HECW1: variants seen among roughly 807,000 people sequenced by gnomAD.
HECW1 encodes HECT, C2 and WW domain containing E3 ubiquitin protein ligase 1.
HECW1 carries 61 observed loss-of-function variants against 182.3 expected under a neutral mutation model. The ratio of observed to expected loss-of-function variants is 0.33; its 90% confidence interval spans 0.27 to 0.41. The LOEUF (loss-of-function observed/expected upper bound fraction) is 0.41. HECW1 is among the 10% of genes least tolerant of loss of function. The pLI is 1.00. For synonymous variants in HECW1, 859 were observed against 832.6 expected, an observed-to-expected ratio of 1.03 and a Z score of -0.55; for missense variants, 1,739 against 2,108.9, an observed-to-expected ratio of 0.82 and a Z score of 3.44.
At chr7:43,423,672 G>T (rs1329685204) in intron 8 of HECW1, among the ~76,000 whole-genome samples, 5 of 152,172 alleles carry the variant, frequency 3.3e-5, no homozygotes, top group African/African-American at 1.2e-4. Context: ...CATGGTGGTG[G>T]GTGGTGAGCT....
chr7:43,546,257 C>T (rs1257034045), intron 26 of HECW1, among the ~76,000 whole-genome samples: 4 of 124,454 alleles, frequency 3.2e-5, no homozygotes, highest in Admixed American at 9.7e-5. Flanking sequence ...TATCCACAGT[C>T]TCTTTCATGA....
intron 24 of HECW1, among the ~76,000 whole-genome samples, chr7:43,514,791 C>T (rs962617873): frequency 6.6e-6 from 1 of 152,090 alleles, no homozygotes; most frequent in Admixed American, 6.5e-5. Context: ...TGTCTAACAA[C>T]ATTATAACCC....
intron 3 of HECW1, among the ~76,000 whole-genome samples, chr7:43,270,237 G>C (rs973926544): frequency 2.6e-5 from 4 of 152,166 alleles, no homozygotes; most frequent in African/African-American, 9.7e-5. Context: ...CAGCTTGGCT[G>C]GCAGGTTTAG....
At chr7:43,559,827 T>G (rs1413423703) in intron 29 of HECW1, among the ~76,000 whole-genome samples, 9 of 152,172 alleles carry the variant, frequency 5.9e-5, no homozygotes, top group Non-Finnish European at 1.5e-5. Context: ...TTGATTGTGT[T>G]CGTTCATTCT....
intron 2 of HECW1, among the ~76,000 whole-genome samples, chr7:43,229,591 TAC>T (rs1319125433): frequency 9.9e-5 from 15 of 151,798 alleles, no homozygotes; most frequent in African/African-American, 3.6e-4. Flanking sequence ...AGTTTGCCTG[TAC>T]AACAAATCTG....
At chr7:43,370,921 T>A (rs538492868) in intron 6 of HECW1, among the ~76,000 whole-genome samples, 87 of 150,430 alleles carry the variant, frequency 5.8e-4, no homozygotes, top group African/African-American at 2.0e-3. Flanking sequence ...GGAGTCTTGC[T>A]CTGTCACCCA....
chr7:43,507,292 A>T, intron 22 of HECW1, 35 bp downstream of exon 22: 1 of 1,603,356 alleles, frequency 6.2e-7, no homozygotes, highest in Non-Finnish European at 8.5e-7. Flanking sequence ...GAATTCAGAC[A>T]GTAGATTTTT....
At chr7:43,276,393 A>C (rs1803147307) in intron 3 of HECW1, among the ~76,000 whole-genome samples, 1 of 152,192 alleles carries the variant, frequency 6.6e-6, no homozygotes, top group African/African-American at 2.4e-5. Context: ...ATTGATTTTA[A>C]AAGGATAAGT....
intron 8 of HECW1, among the ~76,000 whole-genome samples, chr7:43,424,401 C>T (rs2076289767): frequency 6.6e-6 from 1 of 152,172 alleles, no homozygotes; most frequent in African/African-American, 2.4e-5. Flanking sequence ...GGTAGGATCG[C>T]TTGAGCCCAG....
At chr7:43,470,381 T>C (rs2077970927) in intron 16 of HECW1, among the ~76,000 whole-genome samples, 1 of 152,182 alleles carries the variant, frequency 6.6e-6, no homozygotes, top group Non-Finnish European at 1.5e-5. Context: ...CACACACCAA[T>C]GTGAACAGTT....
Position 43,561,947 on chromosome 7 carries a change from CA to C in HECW1, c.*22del, listed in dbSNP as rs1323257309. On this transcript the variant is annotated 3_prime_UTR_variant, in exon 30 of 30. Coordinates refer to ENST00000395891, the MANE Select transcript of HECW1 (RefSeq NM_015052.5). The stretch of plus-strand genomic sequence containing the variant: ...AGTGAGGACATGGAACCTCGCCTGA[CA>C]TTTTCCTGGCCAGTGACATCACCCT... The C allele has an allele frequency of 6.3e-6, 9 of 1,421,940 alleles. No homozygotes were observed. The highest frequency in any genetic ancestry group is 9.0e-6 in the Non-Finnish European group (9 of 1,004,980). 88.1% of individuals were successfully genotyped at this position (1,421,940 alleles called of 1,614,324 possible).
chr7:43,406,345 T>C (rs1221179919), intron 7 of HECW1, among the ~76,000 whole-genome samples: 11 of 152,238 alleles, frequency 7.2e-5, no homozygotes, highest in Admixed American at 7.2e-4. Context: ...ATTTTGAATA[T>C]ACAGCCCTTT....
At chr7:43,428,481 G>A (rs1201885392) in intron 8 of HECW1, among the ~76,000 whole-genome samples, 34 of 152,186 alleles carry the variant, frequency 2.2e-4, no homozygotes. Flanking sequence ...TGAAGACAGG[G>A]AGACCAGTTA....
intron 3 of HECW1, among the ~76,000 whole-genome samples, chr7:43,284,261 T>C (rs771567906): frequency 1.5e-4 from 23 of 152,200 alleles, no homozygotes; most frequent in Non-Finnish European, 2.6e-4. Context: ...TTCTTTATCA[T>C]GTACATGTTG....
chr7:43,478,001 G>A lies in HECW1; in HGVS notation c.3100-1609G>A, dbSNP rs192274008. 2.5e-3 allele frequency among the ~76,000 whole-genome samples: 380 copies of A among 151,444 alleles called. 2 individuals carry two copies. Among genetic ancestry groups the A allele is most frequent in the African/African-American group, 8.7e-3 (356 of 40,892 alleles). ...TAAAAAGTTGTCTTATGGTACAAAG[G>A]GTTTTGTTGAAAAAAAAGGTAATAA... is the stretch of plus-strand genomic sequence containing the variant. On this transcript the variant is annotated intron_variant, in intron 16 of 29. Coordinates refer to ENST00000395891, the MANE Select transcript of HECW1 (RefSeq NM_015052.5).
intron 2 of HECW1, among the ~76,000 whole-genome samples, chr7:43,193,833 T>G (rs2152684882): frequency 6.6e-6 from 1 of 152,310 alleles, no homozygotes; most frequent in East Asian, 1.9e-4. Flanking sequence ...GCCTTGCTTG[T>G]GTCTGCCTAA....
At chr7:43,280,630 A>AT (rs1562777250) in intron 3 of HECW1, among the ~76,000 whole-genome samples, 3 of 152,226 alleles carry the variant, frequency 2.0e-5, no homozygotes, top group Non-Finnish European at 4.4e-5. Flanking sequence ...GAGGAGGATG[A>AT]GTACTCGTGA....
At chr7:43,401,259 A>G (rs2075395233) in intron 7 of HECW1, among the ~76,000 whole-genome samples, 2 of 152,182 alleles carry the variant, frequency 1.3e-5, no homozygotes, top group Non-Finnish European at 1.5e-5. Flanking sequence ...TACAGGTCAC[A>G]CTCACCACTA....
chr7:43,331,147 C>A (rs1323145628), intron 5 of HECW1, among the ~76,000 whole-genome samples: 1 of 152,016 alleles, frequency 6.6e-6, no homozygotes, highest in Non-Finnish European at 1.5e-5. Context: ...CCCCCCACCC[C>A]ACGACAGGCC....
Sources: gnomAD v4.1 joint callset for allele counts (sites outside exome capture counted in the v4.1 genomes callset) on GRCh38, gnomAD v4.1.1 for gene constraint, MANE v1.5 for transcripts, NCBI Gene and HGNC (gene_info 2026-07-23, HGNC 2026-07-21) for gene names.